TPCN2: variants seen among roughly 807,000 people sequenced by gnomAD.
TPCN2 encodes the protein two pore segment channel 2.
TPCN2 carries 92 observed loss-of-function variants against 111.4 expected under a neutral mutation model. The ratio of observed to expected loss-of-function variants is 0.83; its 90% CI spans 0.70 to 0.98. The LOEUF is 0.98. Ranked by LOEUF, TPCN2 falls within the 50% of genes least tolerant of loss-of-function variation. The probability of loss-of-function intolerance (pLI) is 0.00; values close to 1 mark genes in which losing one functional copy is unlikely to be tolerated. For synonymous variants in TPCN2, 405 were observed against 414.5 expected, an observed-to-expected ratio of 0.98 and a Z score of 0.28; for missense variants, 995 against 980.1, an observed-to-expected ratio of 1.02 and a Z score of -0.20.
intron 7 of TPCN2, 54 bp from the exon 8 acceptor site, chr11:69,067,449 A>G (rs1014720254): frequency 1.1e-5 from 17 of 1,533,454 alleles, no homozygotes; most frequent in Non-Finnish European, 1.5e-5. Flanking sequence ...CCTGGAGCTC[A>G]GCCTGTGGGG....
In TPCN2 at chr11:69,072,971, C is replaced by T. The variant is rs1322842056; in HGVS notation, c.1200C>T (p.Phe400=). The stretch of plus-strand genomic sequence containing the variant: ...CAGCTGAGGAGTTTCAGAAGCTCTT[C>T]AACGAGCTTGACAGAAGTGTGGTTA... The part of the protein sequence containing the change: ...LLSAEEFQKL[F]NELDRSVVKE... Residue 400 remains phenylalanine (F), a synonymous_variant, in exon 13 of 25, where the codon TTC becomes TTT. Coordinates refer to ENST00000294309, the MANE Select transcript of TPCN2 (RefSeq NM_139075.4). 6.2e-7 allele frequency: 1 copy of T among 1,613,914 alleles called. No homozygotes were observed. Among genetic ancestry groups the T allele is most frequent in the South Asian group, 1.1e-5 (1 of 90,976 alleles).
chr11:69,084,650 T>C, intron 19 of TPCN2: 1 of 985,412 alleles, frequency 1.0e-6, no homozygotes. Flanking sequence ...TCAGGCAGTT[T>C]TGCCATTTTA....
intron 19 of TPCN2, chr11:69,084,556 A>AGAGG (rs1856189767): frequency 1.0e-6 from 1 of 984,418 alleles, no homozygotes; most frequent in Non-Finnish European, 1.2e-6. Flanking sequence ...CTTGGGCAGG[A>AGAGG]GAGGGGCCTG....
In TPCN2 at chr11:69,057,578, G is replaced by T; in HGVS notation, c.430G>T (p.Gly144Cys). The T allele has an allele frequency of 1.2e-6, 2 of 1,614,056 alleles. No homozygotes were observed. The highest frequency in any genetic ancestry group is 2.2e-5 in the East Asian group (1 of 44,880). ...LVFAADLSVK[G>C]YLFGWAHFQK... ...GCTCACCCGCCCGTCTATCTTGCAG[G>T]GTTACCTGTTCGGGTGGGCCCATTT... Residue 144 changes from glycine to cysteine, a missense_variant and splice_region_variant, in exon 5 of 25, where the codon GGT becomes TGT. Gly to Cys is a radical substitution (Grantham distance 159). Transcript: ENST00000294309.
rs371844375 is a variant in TPCN2, at chr11:69,071,939, C to T, written c.977C>T (p.Ser326Leu). Residue 326 changes from serine (S) to leucine (L), a missense_variant, in exon 11 of 25, where the codon TCG (serine) becomes TTG (leucine). Physicochemically the swap from Ser to Leu is moderately radical, Grantham distance 145. Transcript: ENST00000294309. The part of the protein sequence containing the change: ...RGYLMKSLQT[S>L]LFRRRLGTRA... Reference sequence around the variant, plus strand: ...TCTTTGCAGAAATCTCTCCAGACCTCGCTGTTTCGGAGGCGGCTGGGAACC... The same window carrying T: ...TCTTTGCAGAAATCTCTCCAGACCTTGCTGTTTCGGAGGCGGCTGGGAACC... 2.9e-5 allele frequency: 46 copies of T among 1,613,836 alleles called. No homozygotes were observed. Among genetic ancestry groups the T allele is most frequent in the African/African-American group, 6.7e-5 (5 of 74,924 alleles).
At position 69,081,466 on chromosome 11, in the gene TPCN2, G is replaced by A. The variant is rs1338099227; in HGVS notation, c.1656G>A (p.Val552=). 1 of 1,574,214 alleles carries A rather than the reference G, an allele frequency of 6.4e-7. No individual in the cohort carries two copies. The highest frequency in any genetic ancestry group is 2.3e-5 in the East Asian group (1 of 43,012). Residue 552 remains valine, a synonymous_variant, in exon 18 of 25, where the codon GTG becomes GTA. Coordinates refer to ENST00000294309, the MANE Select transcript of TPCN2 (RefSeq NM_139075.4). ...CCCGCATGCTGAACATGCTCATCGT[G>A]TTCCGCTTCCTGCGTATCATCCCCA... The part of the protein sequence containing the change: ...DMTRMLNMLI[V]FRFLRIIPSM...
intron 13 of TPCN2, among the ~76,000 whole-genome samples, chr11:69,076,937 A>G (rs1417708881): frequency 1.4e-5 from 1 of 70,518 alleles, no homozygotes; most frequent in African/African-American, 6.9e-5. Flanking sequence ...ATGCCCCTCC[A>G]CCTGCCCTCC....
At chr11:69,051,201 C>T (rs757543591) in intron 1 of TPCN2, among the ~76,000 whole-genome samples, 32 of 152,202 alleles carry the variant, frequency 2.1e-4, no homozygotes, top group Non-Finnish European at 2.2e-4. Context: ...GCTGTTGGGT[C>T]GTTTTGACTT....
At chr11:69,072,499 T>G in intron 11 of TPCN2, 128 bp from the exon 12 acceptor site, 1 of 831,328 alleles carries the variant, frequency 1.2e-6, no homozygotes, top group Non-Finnish European at 1.9e-6. Flanking sequence ...GGGCTCTTGG[T>G]GTGGCTCAAG....
At chr11:69,056,827 G>C (rs925781098) in intron 4 of TPCN2, among the ~76,000 whole-genome samples, 1 of 138,528 alleles carries the variant, frequency 7.2e-6, no homozygotes, top group Non-Finnish European at 1.5e-5. Context: ...CACTGTGCCC[G>C]GCCGTCTTTT....
intron 13 of TPCN2, 71 bp downstream of exon 13, chr11:69,073,072 G>A (rs1402782893): frequency 8.7e-7 from 1 of 1,155,920 alleles, no homozygotes; most frequent in African/African-American, 1.5e-5. Flanking sequence ...TGATCACCTG[G>A]GGAACTCTTC....
Position 69,081,399 on chromosome 11 carries a change from G to A in TPCN2, c.1590-1G>A. On this transcript the variant is annotated splice_acceptor_variant, in intron 17 of 24. Coordinates refer to ENST00000294309, the MANE Select transcript of TPCN2 (RefSeq NM_139075.4). LOFTEE classifies it high-confidence loss of function. ...AACCCGCCTCCCGTGTCTCTCCCCA[G>A]GAGGCCGGAGATGGTGGGCCTGCTG... 4 of 1,548,770 alleles carry A rather than the reference G, an allele frequency of 2.6e-6. No homozygotes were observed. Among genetic ancestry groups the A allele is most frequent in the East Asian group, 2.4e-5 (1 of 41,492 alleles).
intron 5 of TPCN2, among the ~76,000 whole-genome samples, chr11:69,058,932 T>C (rs1284049603): frequency 6.6e-6 from 1 of 152,156 alleles, no homozygotes; most frequent in African/African-American, 2.4e-5. Flanking sequence ...AATCCTTATA[T>C]GAAATTAGGA....
rs1854644787 is a variant in TPCN2, at chr11:69,054,284, G to C, written c.174+187G>C. ...CGGAGGACTTGTCTTCTGCATCCTGGACGCATTTGCTGCTTTGATGCACCG... is the reference window on the plus strand; with the variant it reads ...CGGAGGACTTGTCTTCTGCATCCTGCACGCATTTGCTGCTTTGATGCACCG... On this transcript the variant is annotated intron_variant, in intron 2 of 24. Transcript: ENST00000294309. The C allele has an allele frequency of 1.0e-5, 6 of 602,344 alleles. No individual in the cohort carries two copies. The East Asian group carries it at 1.4e-4, about 14-fold the overall frequency. The allele number at this position is 602,344 out of a possible 1,614,324, so 37.3% of individuals were successfully genotyped here.
At position 69,078,719 on chromosome 11, in the gene TPCN2, G is replaced by A. The variant is rs766083487; in HGVS notation, c.1351-15G>A. The A allele has an allele frequency of 5.6e-5, 91 of 1,613,740 alleles. No individual in the cohort carries two copies. Among genetic ancestry groups the A allele is most frequent in the Non-Finnish European group, 5.5e-5 (65 of 1,180,046 alleles). On this transcript the variant is annotated splice_polypyrimidine_tract_variant and intron_variant, in intron 14 of 24. Transcript: ENST00000294309. ...TGCTGGGCCAGCCGGCGAGCCCTCT[G>A]TTCTGGCGTTGCAGGTGTTCCTGGT... is the stretch of plus-strand genomic sequence containing the variant.
intron 1 of TPCN2, 126 bp from the exon 2 acceptor site, chr11:69,053,907 G>A (rs550654540): frequency 1.1e-4 from 88 of 772,008 alleles, no homozygotes; most frequent in Middle Eastern, 2.3e-4. Flanking sequence ...CTGCCGGGTG[G>A]AGTCATCTCT....
rs770687181 is a variant in TPCN2, at chr11:69,085,918, G to A, written c.1991G>A (p.Arg664His). 67 of 1,613,898 alleles carry A rather than the reference G, an allele frequency of 4.2e-5. No individual in the cohort carries two copies. Among genetic ancestry groups the A allele is most frequent in the Admixed American group, 1.3e-4 (8 of 59,992 alleles). The change falls in exon 22 of 25, where the codon CGC becomes CAC. Residue 664 changes from arginine to histidine, a missense_variant. By Grantham distance (29) the Arg-to-His change is conservative (BLOSUM62 0). Transcript: ENST00000294309. ...NWQVFLDAYRRYSGPWSKIYF... is the reference protein window; with the variant it reads ...NWQVFLDAYRHYSGPWSKIYF... Reference sequence around the variant, plus strand: ...CAGGTGTTTCTGGATGCATATCGGCGCTACTCAGGCCCGTGAGTCCTCGTC... The same window carrying A: ...CAGGTGTTTCTGGATGCATATCGGCACTACTCAGGCCCGTGAGTCCTCGTC...
chr11:69,074,731 CTG>C (rs1416982480), intron 13 of TPCN2, among the ~76,000 whole-genome samples: 15 of 152,254 alleles, frequency 9.9e-5, no homozygotes, highest in African/African-American at 3.6e-4. Flanking sequence ...AGCTGTGTAA[CTG>C]AGAGATAACT....
In TPCN2 at chr11:69,058,131, C is replaced by T. The variant is rs560455512; in HGVS notation, c.546+437C>T. ...CCCGGCCACACTCAGCCCTTTCCAC[C>T]GCAGTGCCTTGGTTTCCCCTCAGAG... On this transcript the variant is annotated intron_variant, in intron 5 of 24. Transcript: ENST00000294309. Among the ~76,000 whole-genome samples the T allele has an allele frequency of 1.2e-4, 19 of 152,342 alleles. No homozygotes were observed. The East Asian group carries it at 2.5e-3, about 20-fold the overall frequency.
Sources: gnomAD v4.1 joint callset for allele counts (sites outside exome capture counted in the v4.1 genomes callset) on GRCh38, gnomAD v4.1.1 for gene constraint, MANE v1.5 for transcripts, NCBI Gene and HGNC (gene_info 2026-07-23, HGNC 2026-07-21) for gene names.